Variants in CCDC141 observed in about 807,000 individuals in gnomAD.
The protein encoded by CCDC141 is coiled-coil domain-containing protein 141.
Under a neutral mutation model 181.0 loss-of-function variants are expected in CCDC141, and 168 were observed. The ratio of observed to expected loss-of-function variants is 0.93; its 90% CI spans 0.82 to 1.05. The LOEUF is 1.05. Ranked by LOEUF, CCDC141 falls within the 50% of genes least tolerant of loss-of-function variation. The pLI, the probability that CCDC141 is intolerant of heterozygous loss-of-function variation, is 0.00. For synonymous variants in CCDC141, 666 were observed against 642.3 expected, an observed-to-expected ratio of 1.04 and a Z score of -0.56; for missense variants, 1,902 against 1,788.5, an observed-to-expected ratio of 1.06 and a Z score of -1.14.
At chr2:179,017,459 A>C (rs2042575771) in intron 2 of CCDC141, among the ~76,000 whole-genome samples, 1 of 151,984 alleles carries the variant, frequency 6.6e-6, no homozygotes, top group Non-Finnish European at 1.5e-5. Flanking sequence ...CCCACCTTTC[A>C]AATCATTTCT....
intron 5 of CCDC141, among the ~76,000 whole-genome samples, chr2:178,955,907 T>G (rs1690143871): frequency 6.6e-6 from 1 of 152,236 alleles, no homozygotes; most frequent in African/African-American, 2.4e-5. Context: ...ACTCAAATAA[T>G]AAAACTGGTC....
intron 2 of CCDC141, among the ~76,000 whole-genome samples, chr2:179,015,733 ATATATATATCT>A (rs1404793194): frequency 4.1e-4 from 54 of 132,254 alleles, no homozygotes; most frequent in East Asian, 1.5e-3. Context: ...TATATATCTC[ATATATATATCT>A]TATATATATC....
intron 5 of CCDC141, among the ~76,000 whole-genome samples, chr2:178,951,467 C>T (rs916422802): frequency 2.6e-5 from 4 of 152,136 alleles, no homozygotes; most frequent in African/African-American, 9.7e-5. Flanking sequence ...ACTGTCATAT[C>T]GACAAAATAA....
chr2:178,836,766 A>AC (rs1561619462), intron 23 of CCDC141, 128 bp downstream of exon 23: 3 of 987,074 alleles, frequency 3.0e-6, no homozygotes, highest in Non-Finnish European at 4.5e-6. Flanking sequence ...AGATTGAATC[A>AC]TGCAGAGTTG....
At chr2:178,911,689 C>A (rs913692696) in intron 7 of CCDC141, among the ~76,000 whole-genome samples, 5 of 152,170 alleles carry the variant, frequency 3.3e-5, no homozygotes, top group Non-Finnish European at 4.4e-5. Context: ...ATTGATTTGT[C>A]ACATGGCCAG....
chr2:179,032,996 TA>T (rs1163662242), intron 2 of CCDC141, among the ~76,000 whole-genome samples: 1 of 145,206 alleles, frequency 6.9e-6, no homozygotes, highest in East Asian at 2.0e-4. Flanking sequence ...CTCAGAATAT[TA>T]TATATATATA....
chr2:178,837,880 T>G, intron 22 of CCDC141, 136 bp from the exon 23 acceptor site: 1 of 936,788 alleles, frequency 1.1e-6, no homozygotes, highest in Non-Finnish European at 1.6e-6. Context: ...GGAGCAAGAA[T>G]TACGGATGAG....
chr2:178,859,396 T>A (rs1685509547), intron 17 of CCDC141, among the ~76,000 whole-genome samples: 1 of 152,204 alleles, frequency 6.6e-6, no homozygotes, highest in South Asian at 2.1e-4. Flanking sequence ...GTCGCTGGGC[T>A]GTGGTATCAC....
At chr2:178,896,071 T>G (rs1373414313) in intron 8 of CCDC141, among the ~76,000 whole-genome samples, 1 of 152,200 alleles carries the variant, frequency 6.6e-6, no homozygotes. Flanking sequence ...AAAGAATGAT[T>G]CAGCCCAGCC....
At chr2:178,913,523 G>A (rs183882389) in intron 7 of CCDC141, among the ~76,000 whole-genome samples, 61 of 151,674 alleles carry the variant, frequency 4.0e-4, no homozygotes, top group African/African-American at 1.4e-3. Context: ...TATATATCAC[G>A]TATATATAAA....
At chr2:178,905,580 T>C in intron 7 of CCDC141, 79 bp from the exon 8 acceptor site, 1 of 1,242,688 alleles carries the variant, frequency 8.0e-7, no homozygotes, top group Non-Finnish European at 1.1e-6. Context: ...ACACTGGCAA[T>C]TAAATCAGGC....
At position 178,831,542 on chromosome 2, in the gene CCDC141, T is replaced by C. The variant is rs1046660890; in HGVS notation, c.*2631A>G. ...AGGATTTTCTCTAGAAGTAAATGGT[T>C]ATAAATTATGTATATACCTTAAAAT... On this transcript the variant is annotated 3_prime_UTR_variant, in exon 24 of 24. Coordinates refer to ENST00000443758, the MANE Select transcript of CCDC141 (RefSeq NM_173648.4). The C allele has an allele frequency of 6.6e-6, 1 of 152,226 alleles. No homozygotes were observed. The highest frequency in any genetic ancestry group is 2.1e-4 in the South Asian group (1 of 4,838). 9.4% of individuals were successfully genotyped at this position (152,226 alleles called of 1,614,324 possible). A position where few individuals can be genotyped will look rare whatever the true frequency, so the allele number is the denominator to read the frequency against.
At position 178,832,228 on chromosome 2, in the gene CCDC141, C is replaced by T. The variant is rs998467158; in HGVS notation, c.*1945G>A. On this transcript the variant is annotated 3_prime_UTR_variant, in exon 24 of 24. Transcript: ENST00000443758. ...TATTTGAAATTGGACAAAAAGGATA[C>T]AAGAGGCCGGCTATGGTGGCTCATA... The T allele has an allele frequency of 1.3e-5, 2 of 152,016 alleles. No homozygotes were observed. The highest frequency in any genetic ancestry group is 4.8e-5 in the African/African-American group (2 of 41,408). 9.4% of individuals were successfully genotyped at this position (152,016 alleles called of 1,614,324 possible).
downstream of CCDC141, among the ~76,000 whole-genome samples, chr2:178,829,316 T>C (rs931759467): frequency 1.3e-5 from 2 of 152,244 alleles, no homozygotes; most frequent in Non-Finnish European, 2.9e-5. Flanking sequence ...CGATTTGCCA[T>C]GTCCTGGGTT....
chr2:178,934,204 A>G (rs1386640609), intron 6 of CCDC141, among the ~76,000 whole-genome samples: 2 of 152,116 alleles, frequency 1.3e-5, no homozygotes, highest in East Asian at 3.9e-4. Flanking sequence ...GAACTTAACC[A>G]AGGGTTGAAG....
At position 178,908,374 on chromosome 2, in the gene CCDC141, T is replaced by C. The variant is rs1041751300; in HGVS notation, c.1093-2873A>G. Among the ~76,000 whole-genome samples the C allele has an allele frequency of 4.6e-5, 7 of 152,232 alleles. No homozygotes were observed. The South Asian group carries it at 6.2e-4, about 14-fold the overall frequency. ...CACACCCAGCTAATTTTTGTATTTTTAGTAGAGATGGGTTTCATCATGTTG... is the reference window on the plus strand; with the variant it reads ...CACACCCAGCTAATTTTTGTATTTTCAGTAGAGATGGGTTTCATCATGTTG... On this transcript the variant is annotated intron_variant, in intron 7 of 23. Transcript: ENST00000443758.
At chr2:178,826,337 T>C (rs540282971), downstream of CCDC141, among the ~76,000 whole-genome samples, 1 of 152,296 alleles carries the variant, frequency 6.6e-6, no homozygotes, top group Admixed American at 6.5e-5. Context: ...TAGTGTTGTG[T>C]TGAGGATTTT....
At chr2:178,967,428 C>A (rs1188349183) in intron 4 of CCDC141, among the ~76,000 whole-genome samples, 3 of 152,088 alleles carry the variant, frequency 2.0e-5, no homozygotes, top group Admixed American at 2.0e-4. Context: ...AGAGTGGGGG[C>A]CAATAGTCAA....
rs1172990015 is a variant in CCDC141, at chr2:178,855,502, A to C, written c.2905T>G (p.Ser969Ala). 2 of 1,600,926 alleles carry C rather than the reference A, an allele frequency of 1.2e-6. No individual in the cohort carries two copies. Among genetic ancestry groups the C allele is most frequent in the Non-Finnish European group, 8.5e-7 (1 of 1,175,806 alleles). ...CTTGGATAATTTAAGAAAGAATCAG[A>C]GGTTTTATTACTAACTTTTTCCATT... ...RKMEKVSNKTSDSFLNYPSDK... is the reference protein window; with the variant it reads ...RKMEKVSNKTADSFLNYPSDK... The change falls in exon 19 of 24, where the codon TCT becomes GCT. Residue 969 changes from serine (S) to alanine (A), a missense_variant. Ser to Ala is a moderately conservative substitution (Grantham distance 99, BLOSUM62 1). Coordinates refer to ENST00000443758, the MANE Select transcript of CCDC141 (RefSeq NM_173648.4).
Sources: gnomAD v4.1 joint callset for allele counts (sites outside exome capture counted in the v4.1 genomes callset) on GRCh38, gnomAD v4.1.1 for gene constraint, MANE v1.5 for transcripts, NCBI Gene and HGNC (gene_info 2026-07-23, HGNC 2026-07-21) for gene names.